Variants in ACTN1 observed in about 807,000 individuals in gnomAD.
ACTN1 encodes actinin alpha 1, also known as alpha-actinin-1.
Under a neutral mutation model 119.6 loss-of-function variants are expected in ACTN1, and 30 were observed. That is an observed-to-expected ratio of 0.25 (90% CI 0.19 to 0.34). ACTN1 has a LOEUF of 0.34. ACTN1 is among the 10% of genes least tolerant of loss of function. The pLI, the probability that ACTN1 is intolerant of heterozygous loss-of-function variation, is 1.00. For missense variants in ACTN1, 764 were observed against 1,223.4 expected (o/e 0.62, Z 5.60); for synonymous variants, 429 against 472.6 (o/e 0.91, Z 1.20).
intron 11 of ACTN1, among the ~76,000 whole-genome samples, 159 bp downstream of exon 11, chr14:68,889,980 A>C (rs1017087873): frequency 6.6e-6 from 1 of 152,242 alleles, no homozygotes; most frequent in African/African-American, 2.4e-5. Flanking sequence ...GAGGAAGCTG[A>C]GGCGACCAGA....
rs1330822823 is a variant in ACTN1 at position 68,885,842 on chromosome 14, T to C, written c.1235-267A>G. On this transcript the variant is annotated intron_variant, in intron 11 of 21. Coordinates refer to ENST00000394419, the MANE Select transcript of ACTN1 (RefSeq NM_001130004.2). The surrounding 1 kb of genome is among the most constrained non-coding windows in gnomAD (Gnocchi z 5.6). ...AAGGCTATGCAGGAGTCTGTGGGAA[T>C]GCATAGGGCATGACGCTATACACAC... The C allele has an allele frequency of 4.3e-6, 2 of 460,606 alleles. No individual in the cohort carries two copies. Among genetic ancestry groups the C allele is most frequent in the African/African-American group, 3.9e-5 (2 of 51,606 alleles). The allele number at this position is 460,606 out of a possible 1,614,324, so 28.5% of individuals were successfully genotyped here.
rs933533107 is a variant in ACTN1 at position 68,925,504 on chromosome 14, G to C, written c.220+54C>G. The C allele has an allele frequency of 4.8e-6, 7 of 1,455,420 alleles. No homozygotes were observed. In the African/African-American group the frequency reaches 8.4e-5, roughly 17 times the overall value. 90.2% of individuals were successfully genotyped at this position (1,455,420 alleles called of 1,614,324 possible). A position where few individuals can be genotyped will look rare whatever the true frequency, so the allele number is the denominator to read the frequency against. ...GCTCATAGGCAGAGCAGATGCCAAG[G>C]TGTCAGGCAGCACCAATAGACAGTA... On this transcript the variant is annotated intron_variant, in intron 2 of 21. Coordinates refer to ENST00000394419, the MANE Select transcript of ACTN1 (RefSeq NM_001130004.2). The surrounding 1 kb of genome is among the most constrained non-coding windows in gnomAD (Gnocchi z 4.3).
At position 68,925,223 on chromosome 14, in the gene ACTN1, G is replaced by A. The variant is rs1166600983; in HGVS notation, c.220+335C>T. On this transcript the variant is annotated intron_variant, in intron 2 of 21. Coordinates refer to ENST00000394419, the MANE Select transcript of ACTN1 (RefSeq NM_001130004.2). The surrounding 1 kb of genome is among the most constrained non-coding windows in gnomAD (Gnocchi z 4.3). ...TGGATACAGGTAGATAAGTAGTAATGGAGCCAAGATTTGGAGACAGTCACC... is the reference window on the plus strand; with the variant it reads ...TGGATACAGGTAGATAAGTAGTAATAGAGCCAAGATTTGGAGACAGTCACC... Among the ~76,000 whole-genome samples, 5 of 151,998 alleles carry A rather than the reference G, an allele frequency of 3.3e-5. No homozygotes were observed. The highest frequency in any genetic ancestry group is 3.3e-4 in the Admixed American group (5 of 15,266).
At chr14:68,973,375 TGA>T (rs977180752) in intron 1 of ACTN1, among the ~76,000 whole-genome samples, 77 of 152,314 alleles carry the variant, frequency 5.1e-4, no homozygotes, top group African/African-American at 1.8e-3. Context: ...GCTGTTCTCG[TGA>T]GAGTGAGTTC....
At position 68,878,436 on chromosome 14, in the gene ACTN1, C is replaced by G; in HGVS notation, c.2427+22G>C. 1 of 1,534,940 alleles carries G rather than the reference C, an allele frequency of 6.5e-7. No individual in the cohort carries two copies. The highest frequency in any genetic ancestry group is 2.0e-4 in the Middle Eastern group (1 of 5,026). ...CTGGCTGCCTTCTCACCAGGGCAGA[C>G]AGAGGGTGGGGTTTACGTTACCATG... is the stretch of plus-strand genomic sequence containing the variant. On this transcript the variant is annotated intron_variant, in intron 20 of 21. Transcript: ENST00000394419. The surrounding 1 kb of genome is among the most constrained non-coding windows in gnomAD (Gnocchi z 4.4).
chr14:68,968,249 G>A (rs989834085), intron 1 of ACTN1, among the ~76,000 whole-genome samples: 4 of 152,224 alleles, frequency 2.6e-5, no homozygotes, highest in Non-Finnish European at 4.4e-5. Flanking sequence ...GGTGCAGGGT[G>A]GCAGGTGTAA....
intron 3 of ACTN1, among the ~76,000 whole-genome samples, chr14:68,917,667 T>A (rs1052629161): frequency 6.6e-6 from 1 of 152,204 alleles, no homozygotes; most frequent in Non-Finnish European, 1.5e-5. Flanking sequence ...TGTGGCATAA[T>A]CTTGGTGCTC....
intron 1 of ACTN1, among the ~76,000 whole-genome samples, chr14:68,948,375 A>G (rs1275649447): frequency 6.6e-6 from 1 of 152,194 alleles, no homozygotes; most frequent in East Asian, 1.9e-4. Context: ...TCAGGAGTCC[A>G]AGACCAGCCT....
intron 8 of ACTN1, among the ~76,000 whole-genome samples, chr14:68,897,037 C>G (rs1223787301): frequency 6.6e-6 from 1 of 152,176 alleles, no homozygotes; most frequent in Non-Finnish European, 1.5e-5. Context: ...GGCTGGAGTG[C>G]GATGGCACAA....
Position 68,879,777 on chromosome 14 carries a change from G to C in ACTN1, c.2280+185C>G. 1.4e-6 allele frequency: 1 copy of C among 733,722 alleles called. No individual in the cohort carries two copies. Among genetic ancestry groups the C allele is most frequent in the Non-Finnish European group, 2.2e-6 (1 of 463,424 alleles). 45.5% of individuals were successfully genotyped at this position (733,722 alleles called of 1,614,324 possible). A position where few individuals can be genotyped will look rare whatever the true frequency, so the allele number is the denominator to read the frequency against. ...TCCCGGAAAGCAGGGAAGCTTATGG[G>C]GCACCAACACAGGTTTTCCAAGGCT... On this transcript the variant is annotated intron_variant, in intron 18 of 21. Transcript: ENST00000394419. This position sits in a 1 kb window ranked among gnomAD's most constrained non-coding sequence, Gnocchi z 4.9.
chr14:68,974,983 A>G (rs1405014854), intron 1 of ACTN1, among the ~76,000 whole-genome samples: 1 of 152,230 alleles, frequency 6.6e-6, no homozygotes, highest in East Asian at 1.9e-4. Flanking sequence ...GCCCCCAGCC[A>G]GGTGCCCAGC....
At position 68,979,150 on chromosome 14, in the gene ACTN1, C is replaced by CTGGGG. The variant is rs2140742274; in HGVS notation, c.-95_-94insCCCCA. The CTGGGG allele has an allele frequency of 2.0e-6, 1 of 494,466 alleles. No homozygotes were observed. Among genetic ancestry groups the CTGGGG allele is most frequent in the Non-Finnish European group, 3.4e-6 (1 of 296,680 alleles). 30.6% of individuals were successfully genotyped at this position (494,466 alleles called of 1,614,324 possible). On this transcript the variant is annotated 5_prime_UTR_variant, in exon 1 of 22. Coordinates refer to ENST00000394419, the MANE Select transcript of ACTN1 (RefSeq NM_001130004.2). ...GGCGTGGGGAGGGAGTAGGGCTGGG[C>CTGGGG]TGGGCTGGGCTGGCGGGGCCGGGCT... is the stretch of plus-strand genomic sequence containing the variant.
chr14:68,933,155 G>A (rs1288407783), intron 1 of ACTN1, among the ~76,000 whole-genome samples: 5 of 149,806 alleles, frequency 3.3e-5, no homozygotes, highest in Non-Finnish European at 4.4e-5. Context: ...TATTATTTGC[G>A]ATGTATCTCG....
In ACTN1 at chr14:68,882,702, G is replaced by C. The variant is rs1249915246; in HGVS notation, c.1819-110C>G. ...GGAAGGGCCGGTCAGTAACAGAACA[G>C]GAGTAAAGGTGTCAACCTGTTCTGG... On this transcript the variant is annotated intron_variant, in intron 15 of 21. Coordinates refer to ENST00000394419, the MANE Select transcript of ACTN1 (RefSeq NM_001130004.2). The surrounding 1 kb of genome is among the most constrained non-coding windows in gnomAD (Gnocchi z 4.5). The C allele has an allele frequency of 7.1e-6, 11 of 1,542,112 alleles. No individual in the cohort carries two copies. The highest frequency in any genetic ancestry group is 9.7e-6 in the Non-Finnish European group (11 of 1,133,614).
chr14:68,920,439 C>T (rs2034574584), intron 3 of ACTN1, among the ~76,000 whole-genome samples: 1 of 152,210 alleles, frequency 6.6e-6, no homozygotes, highest in South Asian at 2.1e-4. Flanking sequence ...CACCACCATG[C>T]ACACAAGAAA....
At chr14:68,948,095 G>C (rs935054264) in intron 1 of ACTN1, among the ~76,000 whole-genome samples, 1 of 152,198 alleles carries the variant, frequency 6.6e-6, no homozygotes, top group Non-Finnish European at 1.5e-5. Context: ...CTCTCCCAGG[G>C]GAGTAGGGCT....
chr14:68,893,609 A>G (rs899581693), intron 9 of ACTN1, 46 bp downstream of exon 9: 21 of 1,546,848 alleles, frequency 1.4e-5, no homozygotes, highest in Non-Finnish European at 1.9e-5. Flanking sequence ...GTTCTAGGGG[A>G]CTGACTCTTG....
chr14:68,951,164 G>T (rs994741250), intron 1 of ACTN1, among the ~76,000 whole-genome samples: 6 of 152,166 alleles, frequency 3.9e-5, no homozygotes, highest in Non-Finnish European at 8.8e-5. Flanking sequence ...GCAACGGGGT[G>T]ACGGGCAGGC....
At chr14:68,958,954 A>G (rs960957003) in intron 1 of ACTN1, among the ~76,000 whole-genome samples, 2 of 152,202 alleles carry the variant, frequency 1.3e-5, no homozygotes, top group African/African-American at 4.8e-5. Flanking sequence ...TCTCATTTTC[A>G]TAATAAAAAA....
Sources: allele counts gnomAD v4.1 joint callset (sites outside exome capture counted in the v4.1 genomes callset), GRCh38; gene constraint gnomAD v4.1.1; non-coding constraint Gnocchi (gnomAD v3.1); transcripts MANE v1.5; gene names NCBI Gene and HGNC (gene_info 2026-07-23, HGNC 2026-07-21).